PDE4A: variants seen among roughly 807,000 people sequenced by gnomAD.
PDE4A encodes the protein 3',5'-cyclic-AMP phosphodiesterase 4A.
A neutral mutation model predicts 73.9 loss-of-function variants in PDE4A; 21 were observed. That is an observed-to-expected ratio of 0.28 (90% confidence interval 0.20 to 0.41). The LOEUF (loss-of-function observed/expected upper bound fraction) is 0.41. Among genes scored for constraint, PDE4A ranks in the 10% least tolerant of loss-of-function variants. The pLI, the probability that PDE4A is intolerant of heterozygous loss-of-function variation, is 1.00. For synonymous variants in PDE4A, 463 were observed against 505.4 expected (o/e 0.92, Z 1.13); for missense variants, 958 against 1,211.4 (o/e 0.79, Z 3.10).
At chr19:10,445,984 C>G (rs1172407392) in intron 1 of PDE4A, 1 of 179,288 alleles carries the variant, frequency 5.6e-6, no homozygotes, top group Non-Finnish European at 1.1e-5. Flanking sequence ...ATTACAGACA[C>G]CTGCCACCAT....
rs985415229 is a variant in PDE4A, at chr19:10,453,810, T to C, written c.784-1019T>C. Among the ~76,000 whole-genome samples the C allele has an allele frequency of 6.6e-6, 1 of 151,936 alleles. No individual in the cohort carries two copies. Among genetic ancestry groups the C allele is most frequent in the African/African-American group, 2.4e-5 (1 of 41,356 alleles). ...CTGTGTAGGACTGAGAGCCTGTGAT[T>C]GTGTGTGTGGTTGTGTGAGATTTTG... On this transcript the variant is annotated intron_variant, in intron 6 of 14. Coordinates refer to ENST00000380702, the MANE Select transcript of PDE4A (RefSeq NM_001111307.2). The surrounding 1 kb of genome is among the most constrained non-coding windows in gnomAD (Gnocchi z 4.6).
At chr19:10,432,330 G>C in intron 1 of PDE4A, 1 of 1,266,498 alleles carries the variant, frequency 7.9e-7, no homozygotes. Context: ...CGTGGAGGCG[G>C]TGCCGGCAGT....
Position 10,459,641 on chromosome 19 carries a change from T to C in PDE4A, c.1247T>C (p.Val416Ala). The change falls in exon 10 of 15, where the codon GTG becomes GCG. Residue 416 changes from valine (V) to alanine (A), a missense_variant. By Grantham distance (64) the Val-to-Ala change is moderately conservative (BLOSUM62 0). This residue lies in a region of PDE4A where 570 missense variants were observed against 827.7 expected (regional missense o/e 0.69). Coordinates refer to ENST00000380702, the MANE Select transcript of PDE4A (RefSeq NM_001111307.2). ...TTCCGCATCCCTGTGGACACGATGGTGACATACATGCTGACGCTGGAGGAT... is the reference window on the plus strand; with the variant it reads ...TTCCGCATCCCTGTGGACACGATGGCGACATACATGCTGACGCTGGAGGAT... ...KKFRIPVDTM[V>A]TYMLTLEDHY... 1 of 1,614,168 alleles carries C rather than the reference T, an allele frequency of 6.2e-7. No homozygotes were observed. The highest frequency in any genetic ancestry group is 1.3e-5 in the African/African-American group (1 of 75,050).
chr19:10,452,267 G>C (rs1036459935), intron 6 of PDE4A, among the ~76,000 whole-genome samples: 1 of 151,766 alleles, frequency 6.6e-6, no homozygotes, highest in Non-Finnish European at 1.5e-5. Flanking sequence ...GAGAAACCCC[G>C]TCTCTACTAA....
chr19:10,466,930 G>A lies in PDE4A; in HGVS notation c.1970G>A (p.Trp657Ter). ...ATTGTGCACCCATTGTGGGAGACCT[G>A]GGCGGACCTTGTCCACCCAGATGCC... is the stretch of plus-strand genomic sequence containing the variant. ...DYIVHPLWET[W>*]ADLVHPDAQE... is the part of the protein sequence containing the mutation. Residue 657 changes from tryptophan (W) to a stop codon, truncating the protein, a stop_gained, in exon 15 of 15, where the codon TGG becomes TAG. Transcript: ENST00000380702. LOFTEE classifies it low-confidence loss of function (END_TRUNC). 1 of 1,614,108 alleles carries A rather than the reference G, an allele frequency of 6.2e-7. No individual in the cohort carries two copies. Among genetic ancestry groups the A allele is most frequent in the East Asian group, 2.2e-5 (1 of 44,884 alleles).
chr19:10,452,415 C>T (rs1319284101), intron 6 of PDE4A, among the ~76,000 whole-genome samples: 2 of 145,152 alleles, frequency 1.4e-5, no homozygotes, highest in African/African-American at 2.6e-5. Flanking sequence ...CCAGCCTGGG[C>T]GACAAGAGTG....
chr19:10,461,797 T>C (rs1283237741), intron 12 of PDE4A, 80 bp from the exon 13 acceptor site: 3 of 1,580,954 alleles, frequency 1.9e-6, no homozygotes, highest in Non-Finnish European at 1.7e-6. Flanking sequence ...GGGCGGCTTC[T>C]ACCTGGTGAA....
intron 12 of PDE4A, 39 bp from the exon 13 acceptor site, chr19:10,461,838 C>CG (rs779893383): frequency 6.2e-7 from 1 of 1,601,906 alleles, no homozygotes. Context: ...GTCTGGGGGG[C>CG]GGGTGTCAGC....
chr19:10,421,003 G>C lies in PDE4A; in HGVS notation c.239G>C (p.Arg80Pro). ...AMDTSDRPGL[R>P]TTRMSWPSSF... Reference sequence around the variant, plus strand: ...GACACCAGCGACCGGCCCGGCCTGCGCACGACCCGCATGTCCTGGCCCTCG... The same window carrying C: ...GACACCAGCGACCGGCCCGGCCTGCCCACGACCCGCATGTCCTGGCCCTCG... Residue 80 changes from arginine to proline, a missense_variant, in exon 1 of 15, where the codon CGC (arginine) becomes CCC (proline). Physicochemically the swap from Arg to Pro is moderately radical, Grantham distance 103. Around this residue, in one of 3 missense-constraint regions of PDE4A, gnomAD observed 145 missense variants for 137.8 expected, o/e 1.05. Coordinates refer to ENST00000380702, the MANE Select transcript of PDE4A (RefSeq NM_001111307.2). The C allele has an allele frequency of 6.6e-7, 1 of 1,516,590 alleles. No individual in the cohort carries two copies. The highest frequency in any genetic ancestry group is 8.8e-7 in the Non-Finnish European group (1 of 1,141,000). The allele number at this position is 1,516,590 out of a possible 1,614,324, so 93.9% of individuals were successfully genotyped here. A position where few individuals can be genotyped will look rare whatever the true frequency, so the allele number is the denominator to read the frequency against.
chr19:10,417,061 C>G, upstream of PDE4A: 1 of 1,511,384 alleles, frequency 6.6e-7, no homozygotes, highest in South Asian at 1.2e-5. Flanking sequence ...CTCTAGTGAC[C>G]ACGGCTATTT....
intron 1 of PDE4A, among the ~76,000 whole-genome samples, chr19:10,423,818 G>A (rs2042681431): frequency 6.6e-6 from 1 of 152,208 alleles, no homozygotes; most frequent in Non-Finnish European, 1.5e-5. Context: ...TTCACTGTGG[G>A]CCTGTGCACC....
chr19:10,432,691 C>A, intron 1 of PDE4A: 1 of 969,304 alleles, frequency 1.0e-6, no homozygotes. Context: ...CAGGATCTGG[C>A]TGGGGCCCCA....
intron 1 of PDE4A, among the ~76,000 whole-genome samples, chr19:10,429,548 G>A (rs1179589917): frequency 6.6e-6 from 1 of 152,026 alleles, no homozygotes; most frequent in Non-Finnish European, 1.5e-5. Context: ...ATGTCACCTG[G>A]GCTGGTCTCG....
chr19:10,461,786 C>T lies in PDE4A; in HGVS notation c.1621-91C>T, dbSNP rs148555696. On this transcript the variant is annotated intron_variant, in intron 12 of 14. Coordinates refer to ENST00000380702, the MANE Select transcript of PDE4A (RefSeq NM_001111307.2). ...AGAGGAACCCTCAACCTGGACAGAG[C>T]GGGCGGCTTCTACCTGGTGAAAACT... 3.3e-4 allele frequency: 527 copies of T among 1,578,788 alleles called. 2 individuals carry two copies. The African/African-American group carries it at 5.8e-3, about 17-fold the overall frequency.
At chr19:10,423,099 AGCAGGGTATTCCT>A (rs1277343987) in intron 1 of PDE4A, 1 of 984,092 alleles carries the variant, frequency 1.0e-6, no homozygotes, top group Non-Finnish European at 1.2e-6. Context: ...TGGGTATTCC[AGCAGGGTATTCCT>A]GCTGGCATAT....
intron 1 of PDE4A, among the ~76,000 whole-genome samples, chr19:10,437,733 C>T (rs960890867): frequency 1.3e-5 from 2 of 150,992 alleles, no homozygotes; most frequent in Non-Finnish European, 1.5e-5. Flanking sequence ...TATCCATTTT[C>T]GAGTGTATAG....
intron 10 of PDE4A, 174 bp from the exon 11 acceptor site, chr19:10,460,830 A>T: frequency 5.0e-6 from 1 of 199,596 alleles, no homozygotes; most frequent in South Asian, 1.8e-4. Flanking sequence ...AGAAAATTAA[A>T]TTTGAGACAG....
At chr19:10,452,879 A>G (rs982773061) in intron 6 of PDE4A, 3 of 203,536 alleles carry the variant, frequency 1.5e-5, no homozygotes, top group Non-Finnish European at 1.9e-5. Flanking sequence ...CCCCACCCCC[A>G]GCACCACCTG....
rs970756694 is a variant in PDE4A, at chr19:10,459,055, A to G, written c.1102-345A>G. ...TAAGAGGCTGAGCTGTGCTGGGGCC[A>G]GTCGTGCTGGGTTCCTATCCTAGCT... On this transcript the variant is annotated intron_variant, in intron 8 of 14. Coordinates refer to ENST00000380702, the MANE Select transcript of PDE4A (RefSeq NM_001111307.2). 3.0e-5 allele frequency: 9 copies of G among 297,458 alleles called. No homozygotes were observed. The South Asian group carries it at 3.7e-4, about 12-fold the overall frequency. The allele number at this position is 297,458 out of a possible 1,614,324, so 18.4% of individuals were successfully genotyped here.
Sources: allele counts gnomAD v4.1 joint callset (sites outside exome capture counted in the v4.1 genomes callset), GRCh38; gene constraint gnomAD v4.1.1; regional missense constraint gnomAD v4.1.1; non-coding constraint Gnocchi (gnomAD v3.1); transcripts MANE v1.5; gene names NCBI Gene and HGNC (gene_info 2026-07-23, HGNC 2026-07-21).